VPS53: variants seen among roughly 807,000 people sequenced by gnomAD.
The protein encoded by VPS53 is vacuolar protein sorting-associated protein 53 homolog.
In VPS53, 70 loss-of-function variants were observed where a neutral mutation model predicts 107.0. That is an observed-to-expected ratio of 0.65 (90% CI 0.54 to 0.80). VPS53 has a LOEUF of 0.80. Among genes scored for constraint, VPS53 ranks in the 30% least tolerant of loss-of-function variants. VPS53 has a pLI of 0.00. For synonymous variants in VPS53, 409 were observed against 393.3 expected, an observed-to-expected ratio of 1.04 and a Z score of -0.47; for missense variants, 917 against 1,049.4, an observed-to-expected ratio of 0.87 and a Z score of 1.74.
rs796559377 is a variant in VPS53 at position 637,334 on chromosome 17, G to A, written c.609-5706C>T. Among the ~76,000 whole-genome samples the A allele has an allele frequency of 6.6e-5, 10 of 152,122 alleles. No homozygotes were observed. In the South Asian group the frequency reaches 2.1e-3, roughly 32 times the overall value. On this transcript the variant is annotated intron_variant, in intron 7 of 21. Coordinates refer to ENST00000437048, the MANE Select transcript of VPS53 (RefSeq NM_001128159.3). ...TTCTTCTTTATTAGTCTTGCTAGCA[G>A]TCTATCAATTTTGTTGATCCTTTCA...
chr17:696,998 C>T (rs1283571871), intron 4 of VPS53, among the ~76,000 whole-genome samples: 2 of 152,118 alleles, frequency 1.3e-5, no homozygotes, highest in Non-Finnish European at 2.9e-5. Context: ...AATCTTGAGT[C>T]ACCTGCCTGC....
chr17:667,828 G>T (rs1368042655), intron 4 of VPS53, among the ~76,000 whole-genome samples: 1 of 152,148 alleles, frequency 6.6e-6, no homozygotes, highest in East Asian at 1.9e-4. Context: ...GAGTGAGCAT[G>T]ATCTTCTGAG....
chr17:680,317 C>A (rs1486870358), intron 4 of VPS53, among the ~76,000 whole-genome samples: 1 of 152,022 alleles, frequency 6.6e-6, no homozygotes, highest in Non-Finnish European at 1.5e-5. Flanking sequence ...CAAAAACTGA[C>A]ATAAACCCGA....
intron 8 of VPS53, 80 bp downstream of exon 8, chr17:631,470 A>T: frequency 6.9e-7 from 1 of 1,453,802 alleles, no homozygotes; most frequent in Non-Finnish European, 9.7e-7. Context: ...TGGAATGATA[A>T]CCACATGGTG....
At chr17:643,234 C>G (rs77740522) in intron 7 of VPS53, among the ~76,000 whole-genome samples, 8 of 41,710 alleles carry the variant, frequency 1.9e-4, no homozygotes, top group Non-Finnish European at 2.8e-4. Context: ...TACTTGGAAA[C>G]CGAGGACAAC....
chr17:677,892 G>T lies in VPS53; in HGVS notation c.286-15997C>A, dbSNP rs546392841. Among the ~76,000 whole-genome samples the T allele has an allele frequency of 3.3e-5, 5 of 152,256 alleles. No individual in the cohort carries two copies. The South Asian group carries it at 6.2e-4, about 19-fold the overall frequency. Reference sequence around the variant, plus strand: ...CCCAACATTTAAAAGGCTGAGGCAGGAGGTCGCTTGAACCCATGAGTTCAA... The same window carrying T: ...CCCAACATTTAAAAGGCTGAGGCAGTAGGTCGCTTGAACCCATGAGTTCAA... On this transcript the variant is annotated intron_variant, in intron 4 of 21. Coordinates refer to ENST00000437048, the MANE Select transcript of VPS53 (RefSeq NM_001128159.3).
chr17:567,050 T>C (rs1913592695), intron 13 of VPS53, among the ~76,000 whole-genome samples: 1 of 152,092 alleles, frequency 6.6e-6, no homozygotes, highest in Non-Finnish European at 1.5e-5. Context: ...CAGCCGACTC[T>C]GATGTGCTTC....
intron 4 of VPS53, among the ~76,000 whole-genome samples, chr17:684,715 G>A (rs1020653891): frequency 2.6e-5 from 4 of 152,056 alleles, no homozygotes; most frequent in African/African-American, 7.2e-5. Context: ...GGCCGGGCGC[G>A]GTGGCTCACA....
intron 15 of VPS53, among the ~76,000 whole-genome samples, chr17:554,097 G>A (rs1187538408): frequency 6.6e-6 from 1 of 152,122 alleles, no homozygotes; most frequent in Non-Finnish European, 1.5e-5. Context: ...CCTGCCCCAT[G>A]AACTACAGAC....
intron 12 of VPS53, 105 bp from the exon 13 acceptor site, chr17:586,469 AAG>A: frequency 9.1e-7 from 1 of 1,093,472 alleles, no homozygotes; most frequent in African/African-American, 1.6e-5. Flanking sequence ...AGTCACAGAT[AAG>A]AGAGTACTCA....
intron 7 of VPS53, 67 bp from the exon 8 acceptor site, chr17:631,695 A>T: frequency 4.2e-6 from 6 of 1,444,862 alleles, no homozygotes; most frequent in South Asian, 1.2e-5. Flanking sequence ...ACCGATCCAC[A>T]GGGTCGGAAG....
At chr17:619,916 G>C (rs11649775) in intron 11 of VPS53, among the ~76,000 whole-genome samples, 2 of 79,962 alleles carry the variant, frequency 2.5e-5, no homozygotes, top group African/African-American at 1.0e-4. Context: ...GACTACAGGC[G>C]TGCGCCACCA....
chr17:713,888 A>C (rs1973740176), intron 1 of VPS53, among the ~76,000 whole-genome samples: 1 of 150,970 alleles, frequency 6.6e-6, no homozygotes, highest in African/African-American at 2.4e-5. Context: ...CCCAAAAAAA[A>C]AAAAAAATTA....
rs1255272459 is a variant in VPS53, at chr17:517,884, A to C, written c.*1244T>G. On this transcript the variant is annotated 3_prime_UTR_variant, in exon 22 of 22. Transcript: ENST00000437048. ...TGGTCTCAAACTCCTGAGCTCAAGC[A>C]ATCTGCCCACCTCAGCCTCCCTAGC... 6.5e-6 allele frequency: 1 copy of C among 153,218 alleles called. No homozygotes were observed. Among genetic ancestry groups the C allele is most frequent in the African/African-American group, 2.4e-5 (1 of 41,466 alleles). The allele number at this position is 153,218 out of a possible 1,614,324, so 9.5% of individuals were successfully genotyped here. A position where few individuals can be genotyped will look rare whatever the true frequency, so the allele number is the denominator to read the frequency against.
At position 537,249 on chromosome 17, in the gene VPS53, G is replaced by T. The variant is rs764804261; in HGVS notation, c.1867-73C>A. ...TGTCGCCTGTTACTGGGGAAGGGAG[G>T]GGCTGGAGTGGAAGTCAGGTCACAG... On this transcript the variant is annotated intron_variant, in intron 17 of 21. Transcript: ENST00000437048. The T allele has an allele frequency of 3.2e-6, 5 of 1,539,164 alleles. No homozygotes were observed. The Admixed American group carries it at 5.6e-5, about 17-fold the overall frequency.
chr17:529,441 T>A (rs1340268560), intron 19 of VPS53, among the ~76,000 whole-genome samples: 1 of 152,086 alleles, frequency 6.6e-6, no homozygotes, highest in African/African-American at 2.4e-5. Context: ...GGGATTCTAC[T>A]GTATCTATAG....
intron 4 of VPS53, among the ~76,000 whole-genome samples, chr17:664,036 C>A (rs1597458397): frequency 6.6e-6 from 1 of 152,022 alleles, no homozygotes. Context: ...CAAATCGGGA[C>A]CTGCAGGATG....
intron 13 of VPS53, among the ~76,000 whole-genome samples, chr17:573,690 C>T (rs1172649824): frequency 6.6e-6 from 1 of 152,178 alleles, no homozygotes; most frequent in African/African-American, 2.4e-5. Flanking sequence ...TTATGATCCT[C>T]ACAGTGTAGA....
rs369213981 is a variant in VPS53, at chr17:532,897, T to G, written c.2030A>C (p.Lys677Thr). The G allele has an allele frequency of 1.9e-6, 3 of 1,613,906 alleles. No individual in the cohort carries two copies. Among genetic ancestry groups the G allele is most frequent in the South Asian group, 1.1e-5 (1 of 91,006 alleles). ...GCACTTGAAGAGGTGGGTGATGAAT[T>G]TGGGAATGAAGGAGCTGTGGATAAA... The part of the protein sequence containing the change: ...CVKFANSFIP[K>T]FITHLFKCKP... The change falls in exon 19 of 22, where the codon AAA becomes ACA. Residue 677 changes from lysine (K) to threonine (T), a missense_variant. Physicochemically the swap from Lys to Thr is moderately conservative, Grantham distance 78. Coordinates refer to ENST00000437048, the MANE Select transcript of VPS53 (RefSeq NM_001128159.3).
Sources: allele counts gnomAD v4.1 joint callset (sites outside exome capture counted in the v4.1 genomes callset), GRCh38; gene constraint gnomAD v4.1.1; transcripts MANE v1.5; gene names NCBI Gene and HGNC (gene_info 2026-07-23, HGNC 2026-07-21).